ABCA13: variants seen among roughly 807,000 people sequenced by gnomAD.
The protein encoded by ABCA13 is ATP binding cassette subfamily A member 13.
In ABCA13, 476 loss-of-function variants were observed where a neutral mutation model predicts 478.7. That is an observed-to-expected ratio of 0.99 (90% CI 0.92 to 1.07). ABCA13 has a LOEUF of 1.07. Among genes scored for constraint, ABCA13 ranks in the 50% least tolerant of loss-of-function variants. The pLI is 0.00. For synonymous variants in ABCA13, 2,252 were observed against 2,158.9 expected (o/e 1.04, Z -1.20); for missense variants, 6,060 against 5,910.6 (o/e 1.03, Z -0.83).
chr7:48,300,575 T>C (rs1228440685), intron 23 of ABCA13, among the ~76,000 whole-genome samples: 1 of 152,196 alleles, frequency 6.6e-6, no homozygotes, highest in Non-Finnish European at 1.5e-5. Flanking sequence ...TGAAGAGCTA[T>C]ATGAGAGTCA....
chr7:48,177,760 T>G (rs1405173936), intron 1 of ABCA13, among the ~76,000 whole-genome samples: 1 of 152,186 alleles, frequency 6.6e-6, no homozygotes, highest in African/African-American at 2.4e-5. Flanking sequence ...TTTAATAAAA[T>G]GTAGAGTAAT....
At chr7:48,398,458 A>T (rs1817155088) in intron 38 of ABCA13, among the ~76,000 whole-genome samples, 1 of 152,272 alleles carries the variant, frequency 6.6e-6, no homozygotes, top group Admixed American at 6.5e-5. Flanking sequence ...CAAACATCTG[A>T]TTTAGATCCA....
intron 59 of ABCA13, among the ~76,000 whole-genome samples, chr7:48,637,836 A>G (rs919784157): frequency 1.7e-4 from 26 of 152,234 alleles, no homozygotes; most frequent in Admixed American, 1.7e-3. Context: ...TATTGTTTTC[A>G]TTACACCAAA....
At chr7:48,526,077 T>G (rs889171863) in intron 54 of ABCA13, among the ~76,000 whole-genome samples, 8 of 152,022 alleles carry the variant, frequency 5.3e-5, no homozygotes, top group Non-Finnish European at 1.2e-4. Flanking sequence ...TCAAACAAGG[T>G]AGGACAGATA....
intron 59 of ABCA13, among the ~76,000 whole-genome samples, chr7:48,620,107 T>A (rs1290377839): frequency 4.6e-5 from 7 of 152,166 alleles, no homozygotes. Flanking sequence ...GCAGTCACTT[T>A]TGTCTCCACA....
Position 48,587,195 on chromosome 7 carries a change from C to A in ABCA13, c.14547C>A (p.His4849Gln), listed in dbSNP as rs527718406. The change falls in exon 57 of 62, where the codon CAC (histidine) becomes CAA (glutamine). Residue 4849 changes from histidine to glutamine, a missense_variant. Coordinates refer to ENST00000435803, the MANE Select transcript of ABCA13 (RefSeq NM_152701.5). ...TCAGGCGCTTACACCTCGAAGCCCACGCGGACAAACCTGTGGCCACCTACA... is the reference window on the plus strand; with the variant it reads ...TCAGGCGCTTACACCTCGAAGCCCAAGCGGACAAACCTGTGGCCACCTACA... ...DLIRRLHLEA[H>Q]ADKPVATYSG... The A allele has an allele frequency of 6.2e-7, 1 of 1,612,838 alleles. No individual in the cohort carries two copies. The highest frequency in any genetic ancestry group is 1.3e-5 in the African/African-American group (1 of 74,874).
At chr7:48,311,597 T>C (rs1801786312) in intron 24 of ABCA13, among the ~76,000 whole-genome samples, 1 of 152,184 alleles carries the variant, frequency 6.6e-6, no homozygotes, top group South Asian at 2.1e-4. Flanking sequence ...ACAAGGGCCA[T>C]CATCTGTACC....
rs772352143 is a variant in ABCA13 at position 48,234,004 on chromosome 7, T to C, written c.764-14T>C. On this transcript the variant is annotated splice_polypyrimidine_tract_variant and intron_variant, in intron 7 of 61. Coordinates refer to ENST00000435803, the MANE Select transcript of ABCA13 (RefSeq NM_152701.5). ...CAAACAACTGCTGGTGTAAATCTTT[T>C]GTTATTCCAACAGAGCCAGTTTACC... 5.0e-6 allele frequency: 8 copies of C among 1,613,290 alleles called. No homozygotes were observed. Among genetic ancestry groups the C allele is most frequent in the Admixed American group, 1.7e-5 (1 of 59,996 alleles).
chr7:48,624,042 G>A (rs915721318), intron 59 of ABCA13, among the ~76,000 whole-genome samples: 2 of 150,482 alleles, frequency 1.3e-5, no homozygotes, highest in Non-Finnish European at 2.9e-5. Context: ...ATGAGTTTAC[G>A]TGTGAGCACA....
At chr7:48,511,506 G>T (rs1031351760) in intron 51 of ABCA13, among the ~76,000 whole-genome samples, 19 of 152,028 alleles carry the variant, frequency 1.2e-4, no homozygotes, top group Non-Finnish European at 2.4e-4. Flanking sequence ...CATTAATCAG[G>T]GGCTCAAATA....
intron 45 of ABCA13, among the ~76,000 whole-genome samples, chr7:48,477,633 C>A (rs930748340): frequency 6.6e-6 from 1 of 150,954 alleles, no homozygotes; most frequent in Non-Finnish European, 1.5e-5. Flanking sequence ...AGCAAACTAT[C>A]GCAAGGACAA....
chr7:48,586,905 C>G (rs1164734668), intron 56 of ABCA13, among the ~76,000 whole-genome samples: 2 of 152,162 alleles, frequency 1.3e-5, no homozygotes, highest in East Asian at 3.8e-4. Context: ...GCCCACCCTT[C>G]TCCCTGAACT....
intron 50 of ABCA13, among the ~76,000 whole-genome samples, chr7:48,510,812 A>T (rs997150003): frequency 6.6e-6 from 1 of 151,658 alleles, no homozygotes; most frequent in African/African-American, 2.4e-5. Flanking sequence ...CACCCAATTG[A>T]CTTCATTTTA....
At chr7:48,339,595 A>T (rs1217832343) in intron 29 of ABCA13, among the ~76,000 whole-genome samples, 1 of 152,216 alleles carries the variant, frequency 6.6e-6, no homozygotes, top group Non-Finnish European at 1.5e-5. Context: ...AGTACATTTG[A>T]ATAGGTTTTC....
At position 48,570,386 on chromosome 7, in the gene ABCA13, G is replaced by T. The variant is rs369606300; in HGVS notation, c.14355-9838G>T. Among the ~76,000 whole-genome samples, 5 of 143,168 alleles carry T rather than the reference G, an allele frequency of 3.5e-5. No individual in the cohort carries two copies. In the Admixed American group the frequency reaches 3.6e-4, roughly 10 times the overall value. 93.9% of individuals were successfully genotyped at this position (143,168 alleles called of 152,430 possible). ...GTCGCCCAGGCTGGAGTGCAGTGGC[G>T]CAATCTTGGCTCACTGCAAGCTCTG... On this transcript the variant is annotated intron_variant, in intron 55 of 61. Transcript: ENST00000435803.
chr7:48,284,334 CT>C (rs1797437887), intron 19 of ABCA13, among the ~76,000 whole-genome samples: 2 of 151,300 alleles, frequency 1.3e-5, no homozygotes, highest in African/African-American at 4.9e-5. Context: ...GTTTTTTTTT[CT>C]TTTAAGATAA....
chr7:48,423,713 T>C (rs779478300), intron 41 of ABCA13, among the ~76,000 whole-genome samples: 11 of 152,230 alleles, frequency 7.2e-5, no homozygotes, highest in Non-Finnish European at 1.6e-4. Context: ...GGATACACCA[T>C]AGGCATTGCT....
Position 48,271,987 on chromosome 7 carries a change from G to C in ABCA13, c.2321G>C (p.Trp774Ser), listed in dbSNP as rs369507278. The C allele has an allele frequency of 1.0e-4, 163 of 1,613,280 alleles. No homozygotes were observed. The highest frequency in any genetic ancestry group is 1.3e-4 in the Non-Finnish European group (152 of 1,179,664). The change falls in exon 17 of 62, where the codon TGG (tryptophan) becomes TCG (serine). Residue 774 changes from tryptophan to serine, a missense_variant. Physicochemically the swap from Trp to Ser is radical, Grantham distance 177. Transcript: ENST00000435803. Reference protein sequence around the residue: ...TEDILNISSLWTNHLKSLKRD... With the variant: ...TEDILNISSLSTNHLKSLKRD... ...GATATTCTGAATATAAGTTCTCTGT[G>C]GACAAATCATTTAAAAAGTTTAAAG...
At chr7:48,465,680 A>G (rs1025744683) in intron 43 of ABCA13, among the ~76,000 whole-genome samples, 11 of 152,090 alleles carry the variant, frequency 7.2e-5, no homozygotes, top group Admixed American at 1.3e-4. Flanking sequence ...AAATATTTAT[A>G]ATGTCTTACT....
Sources: allele counts gnomAD v4.1 joint callset (sites outside exome capture counted in the v4.1 genomes callset), GRCh38; gene constraint gnomAD v4.1.1; transcripts MANE v1.5; gene names NCBI Gene and HGNC (gene_info 2026-07-23, HGNC 2026-07-21).